The following IL1RAPL2 variants were observed in gnomAD, a reference collection of about 807,000 sequenced individuals.
The protein encoded by IL1RAPL2 is interleukin 1 receptor accessory protein like 2, also known as X-linked interleukin-1 receptor accessory protein-like 2.
In IL1RAPL2, 3 loss-of-function variants were observed where a neutral mutation model predicts 44.1. The ratio of observed to expected loss-of-function variants is 0.07; its 90% CI spans 0.03 to 0.18. IL1RAPL2 has a LOEUF of 0.18. IL1RAPL2 is among the 10% of genes least tolerant of loss of function. The pLI, the probability that IL1RAPL2 is intolerant of heterozygous loss-of-function variation, is 1.00. For missense variants in IL1RAPL2, 391 were observed against 496.4 expected (o/e 0.79, Z 2.02); for synonymous variants, 181 against 178.8 (o/e 1.01, Z -0.10).
intron 1 of IL1RAPL2, among the ~76,000 whole-genome samples, chrX:104,642,916 G>T (rs1877788205): frequency 1.8e-5 from 2 of 111,782 alleles, no homozygotes; most frequent in Non-Finnish European, 3.8e-5. Flanking sequence ...TGTATTTTCG[G>T]GTATCTTTTA....
intron 5 of IL1RAPL2, among the ~76,000 whole-genome samples, chrX:105,349,356 A>G (rs2035135190): frequency 8.9e-6 from 1 of 112,385 alleles, no homozygotes; most frequent in African/African-American, 3.2e-5. Flanking sequence ...TAAGGTCTAT[A>G]GCTGCCCTTT....
intron 6 of IL1RAPL2, among the ~76,000 whole-genome samples, chrX:105,532,910 T>C (rs2036648476): frequency 9.0e-6 from 1 of 111,348 alleles, no homozygotes; most frequent in Non-Finnish European, 1.9e-5. Context: ...TTAAATTTGC[T>C]ACCAGGTGCG....
At chrX:104,711,394 C>G (rs1038062363) in intron 2 of IL1RAPL2, among the ~76,000 whole-genome samples, 1 of 110,863 alleles carries the variant, frequency 9.0e-6, no homozygotes, top group Non-Finnish European at 1.9e-5. Flanking sequence ...AGAAGCAGTT[C>G]AGTATCATTT....
chrX:105,585,207 A>G (rs2037118287), intron 6 of IL1RAPL2, among the ~76,000 whole-genome samples: 1 of 109,905 alleles, frequency 9.1e-6, no homozygotes, highest in Non-Finnish European at 1.9e-5. Context: ...GGATTTTAAT[A>G]TGTTTCTATT....
chrX:104,910,128 C>T (rs183403279), intron 2 of IL1RAPL2, among the ~76,000 whole-genome samples: 120 of 112,232 alleles, frequency 1.1e-3, no homozygotes, highest in East Asian at 2.8e-4. Context: ...AGGTGCCGTC[C>T]GTCACCCCTG....
chrX:105,008,968 C>T (rs1199984387), intron 2 of IL1RAPL2, among the ~76,000 whole-genome samples: 1 of 112,141 alleles, frequency 8.9e-6, no homozygotes, highest in Non-Finnish European at 1.9e-5. Context: ...CAAAAGAAGA[C>T]ATTTATGCAG....
In IL1RAPL2 at chrX:104,604,897, TAGAC is replaced by T. The variant is rs766490311; in HGVS notation, c.-20+37850_-20+37853del. Among the ~76,000 whole-genome samples the T allele has an allele frequency of 2.3e-4, 26 of 110,944 alleles. No homozygotes were observed. In the Admixed American group the frequency reaches 2.4e-3, roughly 10 times the overall value. On this transcript the variant is annotated intron_variant, in intron 1 of 10. Transcript: ENST00000372582. ...GTCTTTAACACCCCACTGTCAATAT[TAGAC>T]AGATCAAAGAGACAGAAAATTAACA...
At chrX:105,205,866 T>G (rs2033759480) in intron 3 of IL1RAPL2, among the ~76,000 whole-genome samples, 1 of 110,255 alleles carries the variant, frequency 9.1e-6, no homozygotes. Flanking sequence ...CTGGCGAGAA[T>G]GGACTACAGG....
intron 2 of IL1RAPL2, among the ~76,000 whole-genome samples, chrX:105,075,251 AG>A (rs2032276021): frequency 1.8e-5 from 2 of 111,782 alleles, no homozygotes; most frequent in South Asian, 3.8e-4. Context: ...TTTAGCATGA[AG>A]GGTTGTTGAA....
At chrX:105,183,494 G>T (rs1335018697) in intron 2 of IL1RAPL2, among the ~76,000 whole-genome samples, 1 of 111,721 alleles carries the variant, frequency 9.0e-6, no homozygotes. Flanking sequence ...TCAACGTCTA[G>T]TTGTGGCAGG....
chrX:105,138,410 T>C (rs1026335407), intron 2 of IL1RAPL2, among the ~76,000 whole-genome samples: 1 of 106,297 alleles, frequency 9.4e-6, no homozygotes, highest in African/African-American at 3.4e-5. Flanking sequence ...TTGTGGACTT[T>C]ATGAGGTTAA....
At chrX:104,596,625 G>C (rs1928769153) in intron 1 of IL1RAPL2, among the ~76,000 whole-genome samples, 1 of 111,550 alleles carries the variant, frequency 9.0e-6, no homozygotes, top group Admixed American at 9.5e-5. Flanking sequence ...GCTTTTAATT[G>C]GTTGGTTTGG....
chrX:105,009,029 C>A (rs1300425054), intron 2 of IL1RAPL2, among the ~76,000 whole-genome samples: 1 of 111,949 alleles, frequency 8.9e-6, no homozygotes, highest in Non-Finnish European at 1.9e-5. Context: ...CAGAGAAATG[C>A]AAATCAAAAC....
At chrX:105,720,890 C>A (rs950995566) in intron 7 of IL1RAPL2, among the ~76,000 whole-genome samples, 1 of 108,682 alleles carries the variant, frequency 9.2e-6, no homozygotes, top group African/African-American at 3.4e-5. Context: ...CCCGTTTCCC[C>A]AATTATCGAC....
intron 5 of IL1RAPL2, among the ~76,000 whole-genome samples, chrX:105,478,473 T>G (rs946722600): frequency 3.6e-5 from 4 of 111,524 alleles, no homozygotes; most frequent in Non-Finnish European, 5.7e-5. Flanking sequence ...CAGCCTGTCA[T>G]TCTGGGATTT....
At chrX:105,759,390 T>A (rs1029202886) in intron 10 of IL1RAPL2, among the ~76,000 whole-genome samples, 1 of 111,642 alleles carries the variant, frequency 9.0e-6, no homozygotes, top group African/African-American at 3.2e-5. Context: ...AGAAAAAAAA[T>A]CCTTGGAAGG....
intron 2 of IL1RAPL2, among the ~76,000 whole-genome samples, chrX:105,027,109 C>T (rs750218798): frequency 2.7e-5 from 3 of 111,207 alleles, no homozygotes; most frequent in East Asian, 2.8e-4. Flanking sequence ...GCTGGGAAGA[C>T]GATATCCATA....
intron 1 of IL1RAPL2, among the ~76,000 whole-genome samples, 157 bp downstream of exon 1, chrX:104,567,208 T>C (rs1335156167): frequency 8.9e-6 from 1 of 112,966 alleles, no homozygotes; most frequent in Non-Finnish European, 1.9e-5. Context: ...GTTGGCTTTC[T>C]CTTCCTTTAG....
At chrX:105,254,654 C>T (rs1458064069) in intron 4 of IL1RAPL2, among the ~76,000 whole-genome samples, 1 of 111,758 alleles carries the variant, frequency 8.9e-6, no homozygotes, top group African/African-American at 3.3e-5. Context: ...ATGCTGTTGC[C>T]TAGGTTATCT....
Sources: gnomAD v4.1 joint callset for allele counts (sites outside exome capture counted in the v4.1 genomes callset) on GRCh38, gnomAD v4.1.1 for gene constraint, MANE v1.5 for transcripts, NCBI Gene and HGNC (gene_info 2026-07-23, HGNC 2026-07-21) for gene names.